Variants in ATP5PD observed in about 807,000 individuals in gnomAD.
ATP5PD encodes the protein ATP synthase peripheral stalk subunit d.
A neutral mutation model predicts 22.6 loss-of-function variants in ATP5PD; 13 were observed. That is an observed-to-expected ratio of 0.58 (90% CI 0.37 to 0.91). The LOEUF (loss-of-function observed/expected upper bound fraction) is 0.91, where lower values mean the gene tolerates loss of function less well. Ranked by LOEUF, ATP5PD falls within the 40% of genes least tolerant of loss-of-function variation. The pLI is 0.00. For missense variants in ATP5PD, 165 were observed against 188.0 expected, an observed-to-expected ratio of 0.88 and a Z score of 0.72; for synonymous variants, 51 against 65.0, an observed-to-expected ratio of 0.79 and a Z score of 1.03.
intron 3 of ATP5PD, 186 bp from the exon 4 acceptor site, chr17:75,040,349 A>G (rs2073146504): frequency 1.5e-6 from 1 of 645,826 alleles, no homozygotes; most frequent in African/African-American, 1.8e-5. Flanking sequence ...TAGAAAGAAT[A>G]TTAGACTGGG....
chr17:75,041,619 T>TCC (rs2073161650), intron 3 of ATP5PD: 2 of 152,374 alleles, frequency 1.3e-5, no homozygotes, highest in Admixed American at 1.3e-4. Context: ...AGAGCAAAAC[T>TCC]CCGTCTCAAA....
chr17:75,040,019 C>T (rs766287396), intron 4 of ATP5PD, 73 bp downstream of exon 4: 2 of 1,517,452 alleles, frequency 1.3e-6, no homozygotes, highest in Admixed American at 3.5e-5. Context: ...TTCACTCTAA[C>T]TTAACTTAGC....
At chr17:75,039,133 C>T (rs1347289079) in intron 5 of ATP5PD, 70 bp from the exon 6 acceptor site, 2 of 1,611,772 alleles carry the variant, frequency 1.2e-6, no homozygotes, top group Non-Finnish European at 1.7e-6. Context: ...AGGCAGGTTC[C>T]TGCCACCAGG....
Position 75,042,295 on chromosome 17 carries a change from CAA to C in ATP5PD, c.123-20_123-19del, listed in dbSNP as rs768267752. 6.2e-7 allele frequency: 1 copy of C among 1,612,148 alleles called. No homozygotes were observed. Among genetic ancestry groups the C allele is most frequent in the Admixed American group, 1.7e-5 (1 of 59,700 alleles). On this transcript the variant is annotated intron_variant, in intron 2 of 5. Transcript: ENST00000301587. ...CAGCCAACCTGCCCACAAGGAAAGGCAAAAGTTAGGATTGTTCATAAGCAGTA... is the reference window on the plus strand; with the variant it reads ...CAGCCAACCTGCCCACAAGGAAAGGCAAGTTAGGATTGTTCATAAGCAGTA...
At position 75,039,119 on chromosome 17, in the gene ATP5PD, T is replaced by C. The variant is rs2073132052; in HGVS notation, c.355-56A>G. The stretch of plus-strand genomic sequence containing the variant: ...GTAAACAGAGACGGAAAGCAGAATA[T>C]CCAAGGCAGGTTCCTGCCACCAGGT... On this transcript the variant is annotated intron_variant, in intron 5 of 5. Coordinates refer to ENST00000301587, the MANE Select transcript of ATP5PD (RefSeq NM_006356.3). The C allele has an allele frequency of 2.5e-6, 4 of 1,612,166 alleles. No homozygotes were observed. The African/African-American group carries it at 4.0e-5, about 16-fold the overall frequency.
chr17:75,039,064 C>A lies in ATP5PD; in HGVS notation c.355-1G>T. The A allele has an allele frequency of 6.2e-7, 1 of 1,613,906 alleles. No individual in the cohort carries two copies. Among genetic ancestry groups the A allele is most frequent in the Non-Finnish European group, 8.5e-7 (1 of 1,179,940 alleles). On this transcript the variant is annotated splice_acceptor_variant, in intron 5 of 5. Coordinates refer to ENST00000301587, the MANE Select transcript of ATP5PD (RefSeq NM_006356.3). LOFTEE classifies it high-confidence loss of function. ...GAATTAAGTTCTTCATCTTCTCCATCTGGAAAGAGGGGGAATGTGTTTAGT... is the reference window on the plus strand; with the variant it reads ...GAATTAAGTTCTTCATCTTCTCCATATGGAAAGAGGGGGAATGTGTTTAGT...
intron 1 of ATP5PD, among the ~76,000 whole-genome samples, chr17:75,043,186 A>C (rs1169820146): frequency 6.6e-6 from 1 of 152,200 alleles, no homozygotes; most frequent in Admixed American, 6.5e-5. Flanking sequence ...GCATCAGTGC[A>C]CCCTAGCCTG....
chr17:75,044,967 C>G (rs1190792913), intron 1 of ATP5PD, among the ~76,000 whole-genome samples: 1 of 152,124 alleles, frequency 6.6e-6, no homozygotes, highest in Non-Finnish European at 1.5e-5. Flanking sequence ...ACCAGGGAAC[C>G]AAGCACCCTT....
chr17:75,045,191 G>C lies in ATP5PD; in HGVS notation c.-10+1734C>G, dbSNP rs539992751. 7.2e-5 allele frequency among the ~76,000 whole-genome samples: 11 copies of C among 152,264 alleles called. No individual in the cohort carries two copies. The South Asian group carries it at 2.1e-3, about 29-fold the overall frequency. On this transcript the variant is annotated intron_variant, in intron 1 of 5. Coordinates refer to ENST00000301587, the MANE Select transcript of ATP5PD (RefSeq NM_006356.3). ...GTTTTTATTAGGGAGTTTCAAAAGG[G>C]GAGGGAGTATACGAATAGGTGTGGG...
intron 4 of ATP5PD, chr17:75,039,784 T>C (rs976972836): frequency 5.4e-5 from 20 of 373,064 alleles, no homozygotes; most frequent in Admixed American, 8.6e-5. Flanking sequence ...TAAGTTTTGA[T>C]ATAGGTATCC....
intron 4 of ATP5PD, 47 bp from the exon 5 acceptor site, chr17:75,039,318 A>G: frequency 6.4e-7 from 1 of 1,559,490 alleles, no homozygotes; most frequent in Non-Finnish European, 8.8e-7. Flanking sequence ...GCTGCATTCT[A>G]CCCCAGCAGC....
At position 75,039,105 on chromosome 17, in the gene ATP5PD, C is replaced by T. The variant is rs148579788; in HGVS notation, c.355-42G>A. ...TGTGTTTAGTTAATGTAAACAGAGA[C>T]GGAAAGCAGAATATCCAAGGCAGGT... On this transcript the variant is annotated intron_variant, in intron 5 of 5. Coordinates refer to ENST00000301587, the MANE Select transcript of ATP5PD (RefSeq NM_006356.3). 3.3e-5 allele frequency: 53 copies of T among 1,612,314 alleles called. 1 individual carries two copies. The Middle Eastern group carries it at 9.9e-4, about 30-fold the overall frequency.
At chr17:75,042,761 T>A in intron 1 of ATP5PD, 102 bp from the exon 2 acceptor site, 1 of 1,223,796 alleles carries the variant, frequency 8.2e-7, no homozygotes, top group African/African-American at 1.5e-5. Context: ...GAGAATCCTT[T>A]AAATCTTAGA....
intron 4 of ATP5PD, chr17:75,039,492 C>A: frequency 1.9e-6 from 1 of 529,990 alleles, no homozygotes; most frequent in Non-Finnish European, 3.4e-6. Flanking sequence ...TGGCAGCACC[C>A]GGCTGCTTCT....
chr17:75,046,319 C>A (rs915782167), intron 1 of ATP5PD, among the ~76,000 whole-genome samples: 1 of 152,100 alleles, frequency 6.6e-6, no homozygotes, highest in African/African-American at 2.4e-5. Flanking sequence ...CCTGACCTCG[C>A]GATTCGCCCG....
At chr17:75,039,294 A>C in intron 4 of ATP5PD, 23 bp from the exon 5 acceptor site, 6 of 1,612,074 alleles carry the variant, frequency 3.7e-6, no homozygotes, top group Non-Finnish European at 5.1e-6. Flanking sequence ...AGAGAAATTC[A>C]GTTCTGAAAC....
At chr17:75,046,357 C>G (rs771820944) in intron 1 of ATP5PD, among the ~76,000 whole-genome samples, 5 of 152,222 alleles carry the variant, frequency 3.3e-5, no homozygotes, top group Non-Finnish European at 7.3e-5. Context: ...TCTGGGATTA[C>G]AGGCGTGAGC....
intron 1 of ATP5PD, 94 bp from the exon 2 acceptor site, chr17:75,042,753 G>C (rs114110296): frequency 7.9e-7 from 1 of 1,268,414 alleles, no homozygotes; most frequent in Admixed American, 2.3e-5. Context: ...CTCTTAGAGA[G>C]AATCCTTTAA....
chr17:75,039,092 A>G (rs2073130850), intron 5 of ATP5PD, 29 bp from the exon 6 acceptor site: 2 of 1,613,156 alleles, frequency 1.2e-6, no homozygotes, highest in East Asian at 4.5e-5. Context: ...TGTTTAGTTA[A>G]TGTAAACAGA....
Sources: gnomAD v4.1 joint callset for allele counts (sites outside exome capture counted in the v4.1 genomes callset) on GRCh38, gnomAD v4.1.1 for gene constraint, MANE v1.5 for transcripts, NCBI Gene and HGNC (gene_info 2026-07-23, HGNC 2026-07-21) for gene names.